The following TMEM178B variants were observed in gnomAD, a reference collection of about 807,000 sequenced individuals.
The protein encoded by TMEM178B is transmembrane protein 178B.
TMEM178B carries 5 observed loss-of-function variants against 31.0 expected under a neutral mutation model. The ratio of observed to expected loss-of-function variants is 0.16; its 90% CI spans 0.08 to 0.34. The LOEUF (loss-of-function observed/expected upper bound fraction) is 0.34, where lower values mean the gene tolerates loss of function less well. Ranked by LOEUF, TMEM178B falls within the 10% of genes least tolerant of loss-of-function variation. TMEM178B has a pLI of 1.00. For synonymous variants in TMEM178B, 164 were observed against 164.0 expected, an observed-to-expected ratio of 1.00 and a Z score of 0.00; for missense variants, 275 against 400.3, an observed-to-expected ratio of 0.69 and a Z score of 2.67.
At chr7:141,457,887 T>G (rs1333086350) in intron 3 of TMEM178B, among the ~76,000 whole-genome samples, 1 of 152,236 alleles carries the variant, frequency 6.6e-6, no homozygotes, top group African/African-American at 2.4e-5. Context: ...AAAAGCACAT[T>G]AAGTGGTCAA....
At chr7:141,100,559 T>G (rs1753091286) in intron 1 of TMEM178B, among the ~76,000 whole-genome samples, 1 of 152,210 alleles carries the variant, frequency 6.6e-6, no homozygotes, top group African/African-American at 2.4e-5. Flanking sequence ...TTGTATTATT[T>G]TAATTAACAT....
intron 1 of TMEM178B, among the ~76,000 whole-genome samples, chr7:141,155,717 T>A (rs1796058226): frequency 6.6e-6 from 1 of 152,186 alleles, no homozygotes; most frequent in Non-Finnish European, 1.5e-5. Flanking sequence ...CCATTTTCTT[T>A]TGTTATTCAA....
chr7:141,218,855 C>T (rs1339525368), intron 2 of TMEM178B, among the ~76,000 whole-genome samples: 1 of 152,134 alleles, frequency 6.6e-6, no homozygotes, highest in African/African-American at 2.4e-5. Flanking sequence ...TTCCCTTTCC[C>T]AGTGGACTCA....
chr7:141,210,935 C>T (rs1225327128), intron 1 of TMEM178B, among the ~76,000 whole-genome samples: 3 of 152,064 alleles, frequency 2.0e-5, no homozygotes, highest in Non-Finnish European at 4.4e-5. Flanking sequence ...AGGCAGGGCG[C>T]CCTTGAGGAG....
intron 2 of TMEM178B, among the ~76,000 whole-genome samples, chr7:141,248,016 GT>G (rs1266668563): frequency 6.9e-6 from 1 of 145,672 alleles, no homozygotes; most frequent in Admixed American, 7.1e-5. Flanking sequence ...TAATGCATAT[GT>G]GACCAGTCTT....
intron 1 of TMEM178B, among the ~76,000 whole-genome samples, chr7:141,106,381 A>T (rs969472856): frequency 1.3e-5 from 2 of 152,210 alleles, no homozygotes; most frequent in Non-Finnish European, 2.9e-5. Context: ...AAACACATAG[A>T]TATATTACAG....
At chr7:141,334,700 G>A (rs1449804670) in intron 2 of TMEM178B, among the ~76,000 whole-genome samples, 1 of 152,248 alleles carries the variant, frequency 6.6e-6, no homozygotes, top group African/African-American at 2.4e-5. Flanking sequence ...CAAATCAAGA[G>A]TGAAAAGCCT....
At chr7:141,216,818 G>T (rs12703372) in intron 2 of TMEM178B, among the ~76,000 whole-genome samples, 97,311 of 151,874 alleles carry the variant, frequency 0.64, 32,937 homozygotes, top group Middle Eastern at 0.79. Context: ...CCCTGGGTGG[G>T]CTGTGGTGTG....
rs145965570 is a variant in TMEM178B, at chr7:141,316,499, TA to T, written c.496+103796del. On this transcript the variant is annotated intron_variant, in intron 2 of 3. Transcript: ENST00000565468. The stretch of plus-strand genomic sequence containing the variant: ...TTATAAGTGAATCAGAGCAGTGATC[TA>T]GGGGGAGTCTTTCAAACTCTGGGAC... Among the ~76,000 whole-genome samples the T allele has an allele frequency of 4.0e-3, 610 of 152,276 alleles. 2 individuals are homozygous for T. The highest frequency in any genetic ancestry group is 0.014 in the African/African-American group (583 of 41,556).
At chr7:141,482,669 C>T (rs1802497663), downstream of TMEM178B, among the ~76,000 whole-genome samples, 1 of 152,144 alleles carries the variant, frequency 6.6e-6, no homozygotes, top group Non-Finnish European at 1.5e-5. Context: ...CTCAGAAGAG[C>T]TACTATACTC....
chr7:141,330,443 A>G (rs1301013074), intron 2 of TMEM178B, among the ~76,000 whole-genome samples: 2 of 152,330 alleles, frequency 1.3e-5, no homozygotes, highest in East Asian at 1.9e-4. Flanking sequence ...TGTTCCTGCA[A>G]AGGACATGAT....
intron 2 of TMEM178B, among the ~76,000 whole-genome samples, chr7:141,341,971 C>T (rs1563156661): frequency 1.3e-5 from 2 of 152,028 alleles, no homozygotes; most frequent in Non-Finnish European, 2.9e-5. Flanking sequence ...TTTTTGAGAC[C>T]GAATCTCATT....
At chr7:141,470,403 A>G (rs1802217463) in intron 3 of TMEM178B, 133 bp from the exon 4 acceptor site, 2 of 900,582 alleles carry the variant, frequency 2.2e-6, no homozygotes, top group Non-Finnish European at 3.2e-6. Context: ...ACCTGCTCTT[A>G]CCTAGACTTC....
chr7:141,080,884 T>C (rs1051327662), intron 1 of TMEM178B, among the ~76,000 whole-genome samples: 3 of 152,172 alleles, frequency 2.0e-5, no homozygotes, highest in Non-Finnish European at 4.4e-5. Context: ...CCATTACTCC[T>C]GTGTTTGGGT....
intron 2 of TMEM178B, among the ~76,000 whole-genome samples, chr7:141,320,672 A>G (rs540570925): frequency 5.9e-5 from 9 of 152,306 alleles, no homozygotes; most frequent in South Asian, 2.1e-4. Flanking sequence ...CACTCAGCAC[A>G]TTGGTGCCAT....
intron 2 of TMEM178B, among the ~76,000 whole-genome samples, chr7:141,334,014 C>T (rs1243463540): frequency 6.6e-6 from 1 of 152,206 alleles, no homozygotes; most frequent in Non-Finnish European, 1.5e-5. Context: ...AACCCCTGCT[C>T]TAAGGGCCCA....
intron 2 of TMEM178B, among the ~76,000 whole-genome samples, chr7:141,404,252 C>A (rs1800840198): frequency 6.6e-6 from 1 of 152,172 alleles, no homozygotes; most frequent in African/African-American, 2.4e-5. Flanking sequence ...TTGCAATGAG[C>A]CGAGATCATG....
At chr7:141,362,348 C>T (rs1799930738) in intron 2 of TMEM178B, among the ~76,000 whole-genome samples, 1 of 152,198 alleles carries the variant, frequency 6.6e-6, no homozygotes. Context: ...ATAGTCATGA[C>T]AAAGTGGACC....
chr7:141,193,109 T>A (rs1210364820), intron 1 of TMEM178B, among the ~76,000 whole-genome samples: 1 of 152,166 alleles, frequency 6.6e-6, no homozygotes, highest in Non-Finnish European at 1.5e-5. Context: ...CCCTGCAGCC[T>A]GCTTCTCCTA....
Sources: gnomAD v4.1 joint callset for allele counts (sites outside exome capture counted in the v4.1 genomes callset) on GRCh38, gnomAD v4.1.1 for gene constraint, MANE v1.5 for transcripts, NCBI Gene and HGNC (gene_info 2026-07-23, HGNC 2026-07-21) for gene names.